TDRD10: variants seen among roughly 807,000 people sequenced by gnomAD.
The protein encoded by TDRD10 is tudor domain containing 10, also known as tudor domain-containing protein 10.
A neutral mutation model predicts 48.0 loss-of-function variants in TDRD10; 40 were observed. That is an observed-to-expected ratio of 0.83 (90% confidence interval 0.65 to 1.09). The LOEUF is 1.09. Ranked by LOEUF, TDRD10 falls within the 50% of genes least tolerant of loss-of-function variation. TDRD10 has a pLI of 0.00. For missense variants in TDRD10, 378 were observed against 434.7 expected (o/e 0.87, Z 1.16); for synonymous variants, 162 against 170.4 (o/e 0.95, Z 0.38).
intron 4 of TDRD10, among the ~76,000 whole-genome samples, chr1:154,518,255 A>G (rs1179804616): frequency 6.6e-6 from 1 of 152,236 alleles, no homozygotes; most frequent in African/African-American, 2.4e-5. Context: ...TGGCAGAATT[A>G]TGGACAATAC....
intron 8 of TDRD10, 54 bp from the exon 9 acceptor site, chr1:154,543,909 T>G: frequency 1.2e-6 from 2 of 1,603,420 alleles, no homozygotes; most frequent in Non-Finnish European, 1.7e-6. Flanking sequence ...AGTCGTTCCT[T>G]TCCTTGCGTT....
Position 154,506,910 on chromosome 1 carries a change from G to A in TDRD10, c.2+5G>A, listed in dbSNP as rs530438575. 1 of 1,614,192 alleles carries A rather than the reference G, an allele frequency of 6.2e-7. No individual in the cohort carries two copies. Among genetic ancestry groups the A allele is most frequent in the African/African-American group, 1.3e-5 (1 of 75,044 alleles). ...GTTGGAAAGCAACTGCAGCATGTAA[G>A]TCCCTTCCTTTTGCTGATGAGCAAG... On this transcript the variant is annotated splice_donor_5th_base_variant and intron_variant, in intron 2 of 12. Transcript: ENST00000368482.
At chr1:154,521,544 T>A in intron 6 of TDRD10, 65 bp downstream of exon 6, 1 of 1,531,852 alleles carries the variant, frequency 6.5e-7, no homozygotes, top group Non-Finnish European at 8.9e-7. Flanking sequence ...TGGCTGACTT[T>A]GCTTTCAGTG....
chr1:154,518,428 T>G (rs1340648981), intron 4 of TDRD10, among the ~76,000 whole-genome samples: 1 of 151,422 alleles, frequency 6.6e-6, no homozygotes, highest in Non-Finnish European at 1.5e-5. Flanking sequence ...CTATAATTGA[T>G]CAAAACTTTT....
chr1:154,520,300 G>A lies in TDRD10; in HGVS notation c.142-4G>A, dbSNP rs1213486870. 6.2e-7 allele frequency: 1 copy of A among 1,610,884 alleles called. No individual in the cohort carries two copies. The highest frequency in any genetic ancestry group is 8.5e-7 in the Non-Finnish European group (1 of 1,177,088). ...TCTCTCTCTTTTAAACCCTGCTGTT[G>A]TAGGAGGAAATTCTGTACCTTCTAA... On this transcript the variant is annotated splice_region_variant and splice_polypyrimidine_tract_variant and intron_variant, in intron 4 of 12. Transcript: ENST00000368482.
At chr1:154,516,010 C>T (rs1693744012) in intron 4 of TDRD10, among the ~76,000 whole-genome samples, 1 of 152,178 alleles carries the variant, frequency 6.6e-6, no homozygotes, top group Non-Finnish European at 1.5e-5. Context: ...AGGCACCGTG[C>T]CTGGCCACCT....
intron 6 of TDRD10, among the ~76,000 whole-genome samples, chr1:154,524,110 CTTCTG>C (rs1476763822): frequency 6.6e-6 from 1 of 152,086 alleles, no homozygotes; most frequent in African/African-American, 2.4e-5. Flanking sequence ...TGTGGATCTG[CTTCTG>C]TTGACATTTA....
chr1:154,543,226 GATT>G (rs1695348569), intron 8 of TDRD10, among the ~76,000 whole-genome samples: 1 of 152,152 alleles, frequency 6.6e-6, no homozygotes, highest in Non-Finnish European at 1.5e-5. Flanking sequence ...AGTGAGCCGA[GATT>G]GTGCCACTGC....
At chr1:154,543,445 C>CA (rs985762053) in intron 8 of TDRD10, among the ~76,000 whole-genome samples, 4 of 152,176 alleles carry the variant, frequency 2.6e-5, no homozygotes, top group African/African-American at 9.7e-5. Flanking sequence ...CCAGAATACT[C>CA]AGTTTGACTT....
intron 4 of TDRD10, among the ~76,000 whole-genome samples, chr1:154,511,024 A>T (rs990462793): frequency 6.6e-6 from 1 of 151,740 alleles, no homozygotes; most frequent in Non-Finnish European, 1.5e-5. Context: ...CCAGCCTGGG[A>T]GATAGAGCGA....
chr1:154,547,209 C>G (rs748059558), intron 11 of TDRD10, among the ~76,000 whole-genome samples, 200 bp from the exon 12 acceptor site: 1 of 152,140 alleles, frequency 6.6e-6, no homozygotes, highest in Non-Finnish European at 1.5e-5. Flanking sequence ...TTGCCCTCCC[C>G]CTATGCTACC....
chr1:154,539,230 T>C (rs1695092286), intron 6 of TDRD10, among the ~76,000 whole-genome samples: 1 of 152,222 alleles, frequency 6.6e-6, no homozygotes, highest in African/African-American at 2.4e-5. Flanking sequence ...GGATTCCTGG[T>C]GTAGAAGAGG....
Position 154,521,076 on chromosome 1 carries a change from G to A in TDRD10, c.213-247G>A, listed in dbSNP as rs143447855. On this transcript the variant is annotated intron_variant, in intron 5 of 12. Transcript: ENST00000368482. ...TTGGGGCAGTAGTATTAAACTCAAA[G>A]TCATAGACATACGATGCATAGTGAA... is the stretch of plus-strand genomic sequence containing the variant. 1.1e-3 allele frequency among the ~76,000 whole-genome samples: 163 copies of A among 152,270 alleles called. 1 individual carries two copies. The highest frequency in any genetic ancestry group is 7.9e-3 in the South Asian group (38 of 4,826).
intron 4 of TDRD10, among the ~76,000 whole-genome samples, chr1:154,519,584 G>A (rs577798667): frequency 6.6e-6 from 1 of 152,344 alleles, no homozygotes; most frequent in Admixed American, 6.5e-5. Flanking sequence ...AAGCATTTCA[G>A]TAGGGCTGGA....
chr1:154,507,817 A>G (rs1298098772), intron 3 of TDRD10, among the ~76,000 whole-genome samples: 1 of 152,008 alleles, frequency 6.6e-6, no homozygotes, highest in African/African-American at 2.4e-5. Context: ...GCTATGAGCA[A>G]TTTCCCAAAT....
At chr1:154,541,108 GGTCA>G (rs1695204258) in intron 6 of TDRD10, among the ~76,000 whole-genome samples, 3 of 152,282 alleles carry the variant, frequency 2.0e-5, no homozygotes, top group Non-Finnish European at 2.9e-5. Flanking sequence ...GGAGCTGTGA[GGTCA>G]GTCAGAGTCT....
intron 4 of TDRD10, among the ~76,000 whole-genome samples, chr1:154,518,449 A>G (rs1309654874): frequency 2.0e-5 from 3 of 151,822 alleles, no homozygotes; most frequent in Non-Finnish European, 2.9e-5. Flanking sequence ...TTTTTTTGAG[A>G]CGGAGTCTTG....
intron 6 of TDRD10, among the ~76,000 whole-genome samples, chr1:154,525,606 A>C (rs1370403647): frequency 6.6e-6 from 1 of 152,318 alleles, no homozygotes; most frequent in South Asian, 2.1e-4. Context: ...GGAAGTAGAC[A>C]TTAATGGCCA....
At chr1:154,507,805 TG>T (rs1693232219) in intron 3 of TDRD10, among the ~76,000 whole-genome samples, 1 of 152,208 alleles carries the variant, frequency 6.6e-6, no homozygotes, top group Non-Finnish European at 1.5e-5. Context: ...CACCTAGTCC[TG>T]GCTATGAGCA....
Sources: gnomAD v4.1 joint callset for allele counts (sites outside exome capture counted in the v4.1 genomes callset) on GRCh38, gnomAD v4.1.1 for gene constraint, MANE v1.5 for transcripts, NCBI Gene and HGNC (gene_info 2026-07-23, HGNC 2026-07-21) for gene names.